The following KLRD1 variants were observed in gnomAD, a reference collection of about 807,000 sequenced individuals.
The protein encoded by KLRD1 is killer cell lectin like receptor D1, also known as natural killer cells antigen CD94.
KLRD1 carries 21 observed loss-of-function variants against 22.6 expected under a neutral mutation model. The observed-to-expected ratio is 0.93, with a 90% confidence interval of 0.66 to 1.34. The LOEUF is 1.34. Ranked by LOEUF, KLRD1 falls within the 40% of genes most tolerant of loss-of-function variation. KLRD1 has a pLI of 0.00. For missense variants in KLRD1, 183 were observed against 208.6 expected, an observed-to-expected ratio of 0.88 and a Z score of 0.76; for synonymous variants, 59 against 71.1, an observed-to-expected ratio of 0.83 and a Z score of 0.85.
chr12:10,313,549 T>G (rs1167250409), intron 5 of KLRD1, 36 bp downstream of exon 5: 1 of 1,277,878 alleles, frequency 7.8e-7, no homozygotes, highest in South Asian at 1.4e-5. Context: ...TTTTGCTCTT[T>G]ATGAATTTGT....
intron 1 of KLRD1, among the ~76,000 whole-genome samples, chr12:10,297,279 G>T (rs984094548): frequency 1.3e-5 from 2 of 152,148 alleles, no homozygotes; most frequent in Non-Finnish European, 1.5e-5. Context: ...ATATTTGTAT[G>T]CAAACACTTT....
intron 1 of KLRD1, among the ~76,000 whole-genome samples, chr12:10,275,010 C>T (rs1021065372): frequency 1.3e-5 from 2 of 152,122 alleles, no homozygotes; most frequent in African/African-American, 2.4e-5. Context: ...CTGCCTCAGC[C>T]TCCTGAGTAG....
At chr12:10,302,686 C>G (rs75750914), upstream of KLRD1, among the ~76,000 whole-genome samples, 2,568 of 151,566 alleles carry the variant, frequency 0.017, 69 homozygotes, top group African/African-American at 0.058. Flanking sequence ...ATGGTCCTCA[C>G]GAGCTCAGTC....
chr12:10,271,097 G>T (rs114006210), intron 1 of KLRD1, among the ~76,000 whole-genome samples: 13 of 145,730 alleles, frequency 8.9e-5, no homozygotes, highest in African/African-American at 2.5e-4. Flanking sequence ...CTCCCTAATT[G>T]TTTTTTTTTT....
At chr12:10,295,319 T>A (rs1172072932) in intron 1 of KLRD1, among the ~76,000 whole-genome samples, 1 of 152,188 alleles carries the variant, frequency 6.6e-6, no homozygotes, top group Non-Finnish European at 1.5e-5. Flanking sequence ...TTCTTTAAAG[T>A]TGTCTCTGTC....
At chr12:10,289,565 T>G (rs540600207) in intron 1 of KLRD1, among the ~76,000 whole-genome samples, 1 of 152,358 alleles carries the variant, frequency 6.6e-6, no homozygotes, top group South Asian at 2.1e-4. Flanking sequence ...AGTGTAGATT[T>G]ACTTATATGC....
intron 1 of KLRD1, among the ~76,000 whole-genome samples, chr12:10,254,159 T>C (rs1949370275): frequency 6.6e-6 from 1 of 152,148 alleles, no homozygotes; most frequent in South Asian, 2.1e-4. Flanking sequence ...CAGGGCATGG[T>C]GGCTCACGCC....
At chr12:10,288,514 G>A (rs574375146) in intron 1 of KLRD1, among the ~76,000 whole-genome samples, 227 of 152,264 alleles carry the variant, frequency 1.5e-3, no homozygotes, top group Non-Finnish European at 2.7e-3. Context: ...AAAGGTTAGT[G>A]AGACTCAGCT....
At chr12:10,312,914 G>A (rs1021080501) in intron 4 of KLRD1, among the ~76,000 whole-genome samples, 5 of 151,830 alleles carry the variant, frequency 3.3e-5, no homozygotes, top group Middle Eastern at 3.4e-3. Flanking sequence ...GTGAACCTGG[G>A]AGGCAGAGCT....
chr12:10,247,627 C>T (rs1949304397), intron 1 of KLRD1, among the ~76,000 whole-genome samples: 1 of 152,062 alleles, frequency 6.6e-6, no homozygotes, highest in Non-Finnish European at 1.5e-5. Flanking sequence ...GGCTCTGTCC[C>T]AAACCAAATC....
intron 1 of KLRD1, among the ~76,000 whole-genome samples, chr12:10,257,952 C>T (rs1226973977): frequency 2.0e-5 from 3 of 152,098 alleles, no homozygotes; most frequent in African/African-American, 7.2e-5. Context: ...TCTTTTGGAG[C>T]ATGAATTTTC....
intron 1 of KLRD1, among the ~76,000 whole-genome samples, chr12:10,241,708 GAGA>G (rs1453583544): frequency 6.6e-6 from 1 of 152,104 alleles, no homozygotes; most frequent in African/African-American, 2.4e-5. Context: ...TTAAGATCAG[GAGA>G]AGGTTAAGGC....
At chr12:10,280,908 G>T (rs1335164998) in intron 1 of KLRD1, among the ~76,000 whole-genome samples, 1 of 152,174 alleles carries the variant, frequency 6.6e-6, no homozygotes, top group Non-Finnish European at 1.5e-5. Flanking sequence ...AATGTTTCTT[G>T]TAGGTAAAAG....
chr12:10,294,722 T>C (rs1011831947), intron 1 of KLRD1, among the ~76,000 whole-genome samples: 1 of 152,152 alleles, frequency 6.6e-6, no homozygotes, highest in African/African-American at 2.4e-5. Flanking sequence ...TTGACTGAAG[T>C]TGGACCCACT....
chr12:10,296,954 T>C (rs1268212810), intron 1 of KLRD1, among the ~76,000 whole-genome samples: 2 of 152,226 alleles, frequency 1.3e-5, no homozygotes, highest in African/African-American at 2.4e-5. Context: ...CCATAACTTG[T>C]TAAGTGTGCG....
intron 1 of KLRD1, among the ~76,000 whole-genome samples, chr12:10,297,745 G>A (rs1305486375): frequency 6.6e-6 from 1 of 152,186 alleles, no homozygotes; most frequent in Non-Finnish European, 1.5e-5. Context: ...ACAAATGGGA[G>A]TAATGTAGGG....
At chr12:10,298,833 A>G (rs1949843517) in intron 1 of KLRD1, among the ~76,000 whole-genome samples, 1 of 152,228 alleles carries the variant, frequency 6.6e-6, no homozygotes, top group Non-Finnish European at 1.5e-5. Flanking sequence ...GCTTGCTGTT[A>G]ATAAATATGT....
intron 1 of KLRD1, among the ~76,000 whole-genome samples, chr12:10,274,995 A>T (rs758215384): frequency 6.6e-6 from 1 of 152,074 alleles, no homozygotes; most frequent in African/African-American, 2.4e-5. Flanking sequence ...GGTTCAAGCG[A>T]TTCTCTGCCT....
intron 1 of KLRD1, among the ~76,000 whole-genome samples, chr12:10,281,621 T>G (rs1470146641): frequency 6.6e-6 from 1 of 151,490 alleles, no homozygotes; most frequent in African/African-American, 2.4e-5. Context: ...AAGAGAGGAA[T>G]CATCTACACT....
Sources: gnomAD v4.1 joint callset for allele counts (sites outside exome capture counted in the v4.1 genomes callset) on GRCh38, gnomAD v4.1.1 for gene constraint, MANE v1.5 for transcripts, NCBI Gene and HGNC (gene_info 2026-07-23, HGNC 2026-07-21) for gene names.